The following ADK variants were observed in gnomAD, a reference collection of about 807,000 sequenced individuals.
The protein encoded by ADK is adenosine kinase.
In ADK, 24 loss-of-function variants were observed where a neutral mutation model predicts 44.7. The ratio of observed to expected loss-of-function variants is 0.54; its 90% CI spans 0.39 to 0.76. ADK has a LOEUF of 0.76. Ranked by LOEUF, ADK falls within the 30% of genes least tolerant of loss-of-function variation. The probability of loss-of-function intolerance (pLI) is 0.00; values close to 1 mark genes in which losing one functional copy is unlikely to be tolerated. For missense variants in ADK, 321 were observed against 425.1 expected (o/e 0.76, Z 2.15); for synonymous variants, 128 against 142.6 (o/e 0.90, Z 0.73).
rs368838550 is a variant in ADK at position 74,218,933 on chromosome 10, A to G, written c.141-5605A>G. On this transcript the variant is annotated intron_variant, in intron 2 of 10. Transcript: ENST00000539909. ...AAAATCATGCCAAAATGTAAAGACC[A>G]TCAAGACTAGGAAGAAACTGCATCA... Among the ~76,000 whole-genome samples the G allele has an allele frequency of 4.6e-5, 7 of 152,278 alleles. No homozygotes were observed. In the East Asian group the frequency reaches 1.2e-3, roughly 25 times the overall value.
At chr10:74,443,399 A>G (rs905224367) in intron 6 of ADK, among the ~76,000 whole-genome samples, 4 of 152,166 alleles carry the variant, frequency 2.6e-5, no homozygotes, top group Non-Finnish European at 4.4e-5. Flanking sequence ...ATGCTGCAAC[A>G]TAGATAAACC....
intron 3 of ADK, among the ~76,000 whole-genome samples, chr10:74,288,368 G>C (rs1847270079): frequency 6.6e-6 from 1 of 152,072 alleles, no homozygotes; most frequent in Non-Finnish European, 1.5e-5. Flanking sequence ...AGTGAACATA[G>C]GCTGAGCGCA....
chr10:74,444,507 A>C lies in ADK; in HGVS notation c.555+45928A>C, dbSNP rs61859809. Among the ~76,000 whole-genome samples the C allele has an allele frequency of 3.8e-3, 580 of 152,168 alleles. 4 individuals carry two copies. The highest frequency in any genetic ancestry group is 6.2e-3 in the Non-Finnish European group (420 of 67,936). ...TCCCTGTTACAAGTTAAATGTTCCT[A>C]CTTCTCTAGAGTATTTCGAAGTGTT... On this transcript the variant is annotated intron_variant, in intron 6 of 10. Coordinates refer to ENST00000539909, the MANE Select transcript of ADK (RefSeq NM_006721.4).
chr10:74,165,583 T>C (rs1462142113), intron 1 of ADK, among the ~76,000 whole-genome samples: 2 of 151,810 alleles, frequency 1.3e-5, no homozygotes, highest in Non-Finnish European at 2.9e-5. Flanking sequence ...AACCAGGCAA[T>C]CTGTCTTTAG....
intron 10 of ADK, among the ~76,000 whole-genome samples, chr10:74,707,361 AT>A (rs1347346230): frequency 1.3e-5 from 2 of 152,142 alleles, no homozygotes; most frequent in African/African-American, 4.8e-5. Flanking sequence ...CTAATTGTTC[AT>A]TGCTCGTATG....
intron 4 of ADK, among the ~76,000 whole-genome samples, chr10:74,331,484 T>C (rs1370547070): frequency 6.6e-6 from 1 of 152,164 alleles, no homozygotes; most frequent in African/African-American, 2.4e-5. Flanking sequence ...TACATTTCTA[T>C]TTATTTATTT....
At chr10:74,332,884 T>A (rs1453545310) in intron 4 of ADK, among the ~76,000 whole-genome samples, 1 of 152,222 alleles carries the variant, frequency 6.6e-6, no homozygotes, top group Non-Finnish European at 1.5e-5. Context: ...AATTTTAAGC[T>A]TGAACACTGG....
chr10:74,371,794 T>G, intron 4 of ADK: 3 of 1,271,360 alleles, frequency 2.4e-6, no homozygotes, highest in Non-Finnish European at 3.4e-6. Context: ...CAAAGGGCTG[T>G]GCTGAAGTTT....
At chr10:74,705,399 GGC>G (rs1564861864) in intron 10 of ADK, among the ~76,000 whole-genome samples, 1 of 152,010 alleles carries the variant, frequency 6.6e-6, no homozygotes, top group Admixed American at 6.6e-5. Context: ...GTTTTATTGT[GGC>G]ATAATAGACA....
chr10:74,338,697 A>G (rs1296868703), intron 4 of ADK, among the ~76,000 whole-genome samples: 1 of 152,240 alleles, frequency 6.6e-6, no homozygotes, highest in Non-Finnish European at 1.5e-5. Flanking sequence ...TTCCAATTAT[A>G]TAGTATTACT....
chr10:74,319,152 A>G (rs1840728312), intron 4 of ADK, among the ~76,000 whole-genome samples: 1 of 152,258 alleles, frequency 6.6e-6, no homozygotes. Flanking sequence ...AAAATGTTTA[A>G]TCCAACTGTG....
At chr10:74,651,572 T>C (rs1330810371) in intron 9 of ADK, among the ~76,000 whole-genome samples, 1 of 152,228 alleles carries the variant, frequency 6.6e-6, no homozygotes, top group Non-Finnish European at 1.5e-5. Context: ...TTCTTTCTTT[T>C]TTTTTATCAC....
intron 7 of ADK, among the ~76,000 whole-genome samples, chr10:74,579,142 G>A (rs1032971109): frequency 6.6e-5 from 10 of 151,876 alleles, no homozygotes; most frequent in Non-Finnish European, 1.0e-4. Context: ...ACTGAGGCAT[G>A]AGAATCGCTT....
intron 7 of ADK, among the ~76,000 whole-genome samples, chr10:74,538,662 T>C (rs1030651348): frequency 3.3e-5 from 5 of 152,222 alleles, no homozygotes; most frequent in African/African-American, 1.2e-4. Flanking sequence ...ATGATGCTTG[T>C]ATCTCTTTAT....
chr10:74,201,676 G>GTATCTATCTATCTATC (rs58785624), intron 2 of ADK, among the ~76,000 whole-genome samples: 1 of 117,468 alleles, frequency 8.5e-6, no homozygotes, highest in African/African-American at 3.2e-5. Context: ...ATGTATGTAT[G>GTATCTATCTATCTATC]TATCTATCTA....
chr10:74,322,812 C>T (rs1263255624), intron 4 of ADK, among the ~76,000 whole-genome samples: 3 of 151,582 alleles, frequency 2.0e-5, no homozygotes, highest in Non-Finnish European at 4.4e-5. Context: ...ACATCTCTTT[C>T]CCTTCTCCTC....
intron 7 of ADK, among the ~76,000 whole-genome samples, chr10:74,542,802 T>G (rs1849684246): frequency 6.6e-6 from 1 of 152,184 alleles, no homozygotes; most frequent in Non-Finnish European, 1.5e-5. Context: ...CTCTTTGAAC[T>G]TAGCTTTTTT....
intron 10 of ADK, among the ~76,000 whole-genome samples, chr10:74,684,430 AT>A (rs781238707): frequency 2.6e-5 from 4 of 151,706 alleles, no homozygotes; most frequent in East Asian, 1.9e-4. Context: ...TAAATGCATG[AT>A]TTTTTTTTCT....
chr10:74,179,475 C>G (rs1206312037), intron 1 of ADK, among the ~76,000 whole-genome samples: 2 of 152,084 alleles, frequency 1.3e-5, no homozygotes, highest in African/African-American at 4.8e-5. Context: ...AAGAAGCCAG[C>G]AAAAACTCAC....
Sources: allele counts gnomAD v4.1 joint callset (sites outside exome capture counted in the v4.1 genomes callset), GRCh38; gene constraint gnomAD v4.1.1; transcripts MANE v1.5; gene names NCBI Gene and HGNC (gene_info 2026-07-23, HGNC 2026-07-21).